C11orf52: variants seen among roughly 807,000 people sequenced by gnomAD.
C11orf52 encodes uncharacterized protein C11orf52.
Under a neutral mutation model 11.7 loss-of-function variants are expected in C11orf52, and 9 were observed. The ratio of observed to expected loss-of-function variants is 0.77; its 90% CI spans 0.46 to 1.34. The LOEUF (loss-of-function observed/expected upper bound fraction) is 1.34. C11orf52 is among the 40% of genes most tolerant of loss of function. The pLI, the probability that C11orf52 is intolerant of heterozygous loss-of-function variation, is 0.00. For synonymous variants in C11orf52, 49 were observed against 57.4 expected (o/e 0.85, Z 0.66); for missense variants, 139 against 154.8 (o/e 0.90, Z 0.54).
intron 2 of C11orf52, among the ~76,000 whole-genome samples, 190 bp from the exon 3 acceptor site, chr11:111,925,463 T>C (rs1332357399): frequency 6.6e-6 from 1 of 152,040 alleles, no homozygotes; most frequent in Non-Finnish European, 1.5e-5. Context: ...GGCCAGATTG[T>C]GAAAGGGCCA....
At chr11:111,924,189 G>A (rs1965748024) in intron 1 of C11orf52, 137 bp from the exon 2 acceptor site, 2 of 796,374 alleles carry the variant, frequency 2.5e-6, no homozygotes, top group Admixed American at 4.5e-5. Flanking sequence ...GACTGAACCT[G>A]GCTCAGGGTG....
intron 1 of C11orf52, among the ~76,000 whole-genome samples, chr11:111,920,173 T>C (rs1965668060): frequency 6.6e-6 from 1 of 151,680 alleles, no homozygotes; most frequent in African/African-American, 2.4e-5. Flanking sequence ...CCACCCTGGG[T>C]GACAGAGCAA....
chr11:111,918,990 C>A lies in C11orf52; in HGVS notation c.18C>A (p.Cys6Ter), dbSNP rs782756148. ...AGAGCGCCATGGGAAACCGGGTCTGCTGCGGAGGAAGCTGGTGAGTAGGCT... is the reference window on the plus strand; with the variant it reads ...AGAGCGCCATGGGAAACCGGGTCTGATGCGGAGGAAGCTGGTGAGTAGGCT... The part of the protein sequence containing the change: MGNRV[C>*]CGGSWSCPST... Residue 6 changes from cysteine to a stop codon, truncating the protein, a stop_gained, in exon 1 of 4, where the codon TGC becomes TGA. Transcript: ENST00000278601. LOFTEE classifies it high-confidence loss of function. The A allele has an allele frequency of 6.2e-7, 1 of 1,614,078 alleles. No individual in the cohort carries two copies. The highest frequency in any genetic ancestry group is 8.5e-7 in the Non-Finnish European group (1 of 1,180,040).
In C11orf52 at chr11:111,925,003, A is replaced by G. The variant is rs145331459; in HGVS notation, c.70+640A>G. On this transcript the variant is annotated intron_variant, in intron 2 of 3. Coordinates refer to ENST00000278601, the MANE Select transcript of C11orf52 (RefSeq NM_080659.3). ...GCTGGGCATAGTGGTATGCGCCTGT[A>G]GTACCAGCTACTTGGGAGGCCAAGG... Among the ~76,000 whole-genome samples the G allele has an allele frequency of 7.7e-3, 1,172 of 152,328 alleles. 7 individuals carry two copies. The highest frequency in any genetic ancestry group is 0.051 in the Middle Eastern group (15 of 294).
In C11orf52 at chr11:111,918,938, TAAAA is replaced by T. The variant is rs1965640698; in HGVS notation, c.-33_-30del. On this transcript the variant is annotated 5_prime_UTR_variant, in exon 1 of 4. The change abolishes the stop of an existing upstream ORF in the 5' untranslated region. Coordinates refer to ENST00000278601, the MANE Select transcript of C11orf52 (RefSeq NM_080659.3). ...GGAAATGCACAAGCCTCTTGATGCA[TAAAA>T]ACAGCTGGGCTCCCTTGGAGACAGA... 6.2e-7 allele frequency: 1 copy of T among 1,613,814 alleles called. No individual in the cohort carries two copies. Among genetic ancestry groups the T allele is most frequent in the Non-Finnish European group, 8.5e-7 (1 of 1,179,946 alleles).
intron 1 of C11orf52, 181 bp downstream of exon 1, chr11:111,919,185 A>T: frequency 1.4e-6 from 1 of 713,508 alleles, no homozygotes; most frequent in Non-Finnish European, 2.4e-6. Flanking sequence ...TAGAAGACAG[A>T]GCCAAGTGGC....
At chr11:111,920,669 C>G (rs935531253) in intron 1 of C11orf52, among the ~76,000 whole-genome samples, 1 of 152,110 alleles carries the variant, frequency 6.6e-6, no homozygotes. Context: ...GAGGCTGAGG[C>G]AGGAGGATCA....
chr11:111,921,548 G>A (rs975604425), intron 1 of C11orf52, among the ~76,000 whole-genome samples: 10 of 152,132 alleles, frequency 6.6e-5, no homozygotes, highest in African/African-American at 2.4e-4. Flanking sequence ...TGTCAGGATT[G>A]AAAAAATAAA....
At chr11:111,925,857 C>G in intron 3 of C11orf52, 103 bp from the exon 4 acceptor site, 1 of 1,580,398 alleles carries the variant, frequency 6.3e-7, no homozygotes, top group Non-Finnish European at 8.6e-7. Context: ...GTCCTTTGCT[C>G]AAAGGAGCAA....
chr11:111,923,904 T>C (rs1965741406), intron 1 of C11orf52, among the ~76,000 whole-genome samples: 1 of 151,958 alleles, frequency 6.6e-6, no homozygotes, highest in Non-Finnish European at 1.5e-5. Flanking sequence ...AAGTCCCAGA[T>C]TGGTAAAGAC....
At chr11:111,919,418 A>T (rs767448317) in intron 1 of C11orf52, among the ~76,000 whole-genome samples, 55 of 152,132 alleles carry the variant, frequency 3.6e-4, no homozygotes, top group Admixed American at 1.6e-3. Context: ...GGTTGCAGTG[A>T]GCCGAGATCG....
chr11:111,919,342 G>A (rs952390052), intron 1 of C11orf52: 27 of 257,930 alleles, frequency 1.0e-4, no homozygotes, highest in South Asian at 2.1e-4. Context: ...GCATGGTGGC[G>A]CGCACCTGTA....
In C11orf52 at chr11:111,926,175, C is replaced by T. The variant is rs782295662; in HGVS notation, c.348C>T (p.Asp116=). 2.5e-6 allele frequency: 4 copies of T among 1,614,236 alleles called. No homozygotes were observed. In the Admixed American group the frequency reaches 6.7e-5, roughly 27 times the overall value. The change falls in exon 4 of 4, where the codon GAC becomes GAT. Residue 116 remains aspartate, a synonymous_variant. Transcript: ENST00000278601. Reference sequence around the variant, plus strand: ...TCCCCCAGGCCACACCTCGCTATGACAGCAAGAACGGGACCCTGGTGTGAG... The same window carrying T: ...TCCCCCAGGCCACACCTCGCTATGATAGCAAGAACGGGACCCTGGTGTGAG... ...LRFPQATPRY[D]SKNGTLV
At chr11:111,919,776 T>C (rs587768059) in intron 1 of C11orf52, among the ~76,000 whole-genome samples, 2 of 152,322 alleles carry the variant, frequency 1.3e-5, no homozygotes, top group African/African-American at 4.8e-5. Context: ...TAAGGTCACA[T>C]GGCTGGTAAG....
chr11:111,921,268 C>T (rs1965694283), intron 1 of C11orf52, among the ~76,000 whole-genome samples: 1 of 152,198 alleles, frequency 6.6e-6, no homozygotes, highest in South Asian at 2.1e-4. Flanking sequence ...TGAACATGTA[C>T]TACAGGCACA....
intron 2 of C11orf52, among the ~76,000 whole-genome samples, chr11:111,925,449 T>C (rs1965777745): frequency 6.6e-6 from 1 of 152,168 alleles, no homozygotes; most frequent in Admixed American, 6.5e-5. Flanking sequence ...ATGGAAGATA[T>C]TATGGCCAGA....
intron 1 of C11orf52, among the ~76,000 whole-genome samples, chr11:111,921,875 C>T (rs1965705413): frequency 6.6e-6 from 1 of 151,932 alleles, no homozygotes; most frequent in Admixed American, 6.6e-5. Context: ...CTTTATCTCC[C>T]AGTATGGAGT....
Position 111,919,045 on chromosome 11 carries a change from T to G in C11orf52, c.32+41T>G, listed in dbSNP as rs1239096820. 1.7e-5 allele frequency: 27 copies of G among 1,611,928 alleles called. No homozygotes were observed. The East Asian group carries it at 6.0e-4, about 36-fold the overall frequency. On this transcript the variant is annotated intron_variant, in intron 1 of 3. Coordinates refer to ENST00000278601, the MANE Select transcript of C11orf52 (RefSeq NM_080659.3). ...GGGCAAAGGGGAACATCTATCTCTGTTGGTGGATGTAGAGGCCCCGAAAAT... is the reference window on the plus strand; with the variant it reads ...GGGCAAAGGGGAACATCTATCTCTGGTGGTGGATGTAGAGGCCCCGAAAAT...
At chr11:111,921,928 G>T (rs778660491) in intron 1 of C11orf52, among the ~76,000 whole-genome samples, 16 of 152,080 alleles carry the variant, frequency 1.1e-4, no homozygotes, top group South Asian at 1.0e-3. Flanking sequence ...AGCCTCCCAG[G>T]TGTAAGCGAT....
Sources: allele counts gnomAD v4.1 joint callset (sites outside exome capture counted in the v4.1 genomes callset), GRCh38; gene constraint gnomAD v4.1.1; transcripts MANE v1.5; gene names NCBI Gene and HGNC (gene_info 2026-07-23, HGNC 2026-07-21).